PPARGC1A: variants seen among roughly 807,000 people sequenced by gnomAD.
The protein encoded by PPARGC1A is PPARG coactivator 1 alpha.
In PPARGC1A, 25 loss-of-function variants were observed where a neutral mutation model predicts 88.7. The ratio of observed to expected loss-of-function variants is 0.28; its 90% confidence interval spans 0.21 to 0.39. The LOEUF is 0.39. PPARGC1A is among the 10% of genes least tolerant of loss of function. The probability of loss-of-function intolerance (pLI) is 1.00; values close to 1 mark genes in which losing one functional copy is unlikely to be tolerated. For synonymous variants in PPARGC1A, 363 were observed against 355.6 expected, an observed-to-expected ratio of 1.02 and a Z score of -0.24; for missense variants, 880 against 968.7, an observed-to-expected ratio of 0.91 and a Z score of 1.22.
At chr4:24,220,829 T>A in the PPARGC1A span, among the ~76,000 whole-genome samples, 2 of 152,134 alleles carry the variant, frequency 1.3e-5, no homozygotes, top group Non-Finnish European at 2.9e-5. Context: ...TTACACAATA[T>A]ACCCATTTAA....
chr4:24,429,735 T>C, the PPARGC1A span, among the ~76,000 whole-genome samples: 1 of 150,418 alleles, frequency 6.6e-6, no homozygotes, highest in Admixed American at 6.6e-5. Context: ...CACTGTAATC[T>C]CTGCATCCCA....
At chr4:24,239,215 G>A in the PPARGC1A span, among the ~76,000 whole-genome samples, 2 of 152,124 alleles carry the variant, frequency 1.3e-5, no homozygotes, top group African/African-American at 4.8e-5. Flanking sequence ...TACCAAGCTA[G>A]GCAGGCACAA....
the PPARGC1A span, among the ~76,000 whole-genome samples, chr4:24,319,403 A>G: frequency 1.3e-5 from 2 of 152,210 alleles, no homozygotes; most frequent in Non-Finnish European, 2.9e-5. Context: ...TTGTCCTGAG[A>G]TGAGAGTTGC....
At chr4:23,943,477 T>A in the PPARGC1A span, among the ~76,000 whole-genome samples, 2 of 152,002 alleles carry the variant, frequency 1.3e-5, no homozygotes, top group African/African-American at 4.8e-5. Context: ...TTAAGGATAT[T>A]TGTAAAGGAT....
the PPARGC1A span, among the ~76,000 whole-genome samples, chr4:24,408,690 C>T: frequency 6.6e-6 from 1 of 152,182 alleles, no homozygotes; most frequent in Non-Finnish European, 1.5e-5. Context: ...GACACCTCCA[C>T]CTGAGTCCCC....
intron 10 of PPARGC1A, among the ~76,000 whole-genome samples, chr4:23,806,703 G>C (rs925262423): frequency 6.6e-6 from 1 of 152,090 alleles, no homozygotes; most frequent in African/African-American, 2.4e-5. Flanking sequence ...AAACGTGGGG[G>C]ATAAATAAAG....
intron 1 of PPARGC1A, among the ~76,000 whole-genome samples, chr4:23,897,778 C>A (rs1038667711): frequency 1.3e-5 from 2 of 152,196 alleles, no homozygotes; most frequent in African/African-American, 4.8e-5. Context: ...GGTATTGGCT[C>A]TGAGAAGATC....
chr4:24,141,294 T>C, the PPARGC1A span, among the ~76,000 whole-genome samples: 1 of 152,256 alleles, frequency 6.6e-6, no homozygotes, highest in African/African-American at 2.4e-5. Flanking sequence ...ACCAGTCCCC[T>C]GCCTACGCAG....
chr4:24,413,818 T>G, the PPARGC1A span, among the ~76,000 whole-genome samples: 2 of 152,174 alleles, frequency 1.3e-5, no homozygotes, highest in Non-Finnish European at 2.9e-5. Flanking sequence ...CAAAGTAATC[T>G]TATAAATGAT....
the PPARGC1A span, among the ~76,000 whole-genome samples, chr4:24,105,036 G>A: frequency 6.6e-6 from 1 of 152,164 alleles, no homozygotes; most frequent in Non-Finnish European, 1.5e-5. Flanking sequence ...GTGGTTCAAG[G>A]TGAGCACTCA....
chr4:23,925,857 AT>A, the PPARGC1A span, among the ~76,000 whole-genome samples: 18 of 152,190 alleles, frequency 1.2e-4, no homozygotes, highest in African/African-American at 2.9e-4. Context: ...AGAGAAAAAA[AT>A]TTTTTTAAAT....
At chr4:24,377,853 T>C in the PPARGC1A span, among the ~76,000 whole-genome samples, 1 of 152,246 alleles carries the variant, frequency 6.6e-6, no homozygotes, top group Non-Finnish European at 1.5e-5. Context: ...ATATTGTTTC[T>C]GTGGAATATT....
At chr4:24,373,252 G>A in the PPARGC1A span, among the ~76,000 whole-genome samples, 627 of 152,334 alleles carry the variant, frequency 4.1e-3, 4 homozygotes, top group Non-Finnish European at 7.5e-3. Context: ...AGAGGTGTCT[G>A]CAGCAGATGG....
At chr4:23,934,684 T>G in the PPARGC1A span, among the ~76,000 whole-genome samples, 1 of 152,122 alleles carries the variant, frequency 6.6e-6, no homozygotes, top group Non-Finnish European at 1.5e-5. Context: ...TTGGTTACAT[T>G]TGCAAAAAAC....
chr4:24,123,922 A>AC, the PPARGC1A span, among the ~76,000 whole-genome samples: 127 of 151,800 alleles, frequency 8.4e-4, no homozygotes, highest in African/African-American at 2.7e-3. Context: ...AAAAAAAAAA[A>AC]AAACAAAAAA....
chr4:24,172,987 C>A, the PPARGC1A span, among the ~76,000 whole-genome samples: 4 of 152,308 alleles, frequency 2.6e-5, no homozygotes, highest in East Asian at 7.7e-4. Flanking sequence ...ATTCAACCAA[C>A]CATTACTTTT....
the PPARGC1A span, among the ~76,000 whole-genome samples, chr4:24,398,798 T>C: frequency 6.6e-6 from 1 of 152,324 alleles, no homozygotes; most frequent in African/African-American, 2.4e-5. Flanking sequence ...CCACATCTTC[T>C]AGGCACTCTG....
At chr4:23,934,952 G>T in the PPARGC1A span, among the ~76,000 whole-genome samples, 8 of 152,198 alleles carry the variant, frequency 5.3e-5, no homozygotes, top group African/African-American at 1.9e-4. Flanking sequence ...CTCTGCATGT[G>T]AGCTGCACCC....
chr4:23,821,089 G>A (rs1009317508), intron 7 of PPARGC1A, among the ~76,000 whole-genome samples: 1 of 152,024 alleles, frequency 6.6e-6, no homozygotes, highest in Non-Finnish European at 1.5e-5. Context: ...TTCTCAACAC[G>A]ATGCTCCTGG....
Sources: allele counts gnomAD v4.1 joint callset (sites outside exome capture counted in the v4.1 genomes callset), GRCh38; gene constraint gnomAD v4.1.1; transcripts MANE v1.5; gene names NCBI Gene and HGNC (gene_info 2026-07-23, HGNC 2026-07-21).